The following WDR41 variants were observed in gnomAD, a reference collection of about 807,000 sequenced individuals.
The protein encoded by WDR41 is WD repeat-containing protein 41.
Under a neutral mutation model 69.3 loss-of-function variants are expected in WDR41, and 63 were observed. That is an observed-to-expected ratio of 0.91 (90% CI 0.74 to 1.12). The LOEUF is 1.12. Among genes scored for constraint, WDR41 ranks in the 50% most tolerant of loss-of-function variants. The probability of loss-of-function intolerance (pLI) is 0.00; values close to 1 mark genes in which losing one functional copy is unlikely to be tolerated. For missense variants in WDR41, 543 were observed against 534.5 expected (o/e 1.02, Z -0.16); for synonymous variants, 185 against 192.1 (o/e 0.96, Z 0.31).
At chr5:77,615,203 T>C (rs1286615080) in intron 1 of WDR41, among the ~76,000 whole-genome samples, 1 of 152,212 alleles carries the variant, frequency 6.6e-6, no homozygotes, top group African/African-American at 2.4e-5. Context: ...GACCACTCTG[T>C]TGTATGGACC....
chr5:77,539,041 G>C (rs1743041312), intron 1 of WDR41, among the ~76,000 whole-genome samples: 2 of 152,120 alleles, frequency 1.3e-5, no homozygotes, highest in Non-Finnish European at 2.9e-5. Flanking sequence ...CTGGTTTGCA[G>C]GTGGCCATCT....
Position 77,445,454 on chromosome 5 carries a change from G to A in WDR41, c.697+4306C>T, listed in dbSNP as rs558618991. On this transcript the variant is annotated intron_variant, in intron 8 of 12. Coordinates refer to ENST00000296679, the MANE Select transcript of WDR41 (RefSeq NM_018268.4). Reference sequence around the variant, plus strand: ...CAGCATCATCCTGACACCAAAACCAGGAAGAGACACAACAAAAAAAAGAAA... The same window carrying A: ...CAGCATCATCCTGACACCAAAACCAAGAAGAGACACAACAAAAAAAAGAAA... Among the ~76,000 whole-genome samples the A allele has an allele frequency of 4.6e-5, 7 of 152,178 alleles. No individual in the cohort carries two copies. The South Asian group carries it at 1.2e-3, about 27-fold the overall frequency.
upstream of WDR41, among the ~76,000 whole-genome samples, chr5:77,494,900 G>C (rs1018597872): frequency 3.3e-5 from 5 of 152,036 alleles, no homozygotes; most frequent in African/African-American, 1.2e-4. Flanking sequence ...CATATGTTAG[G>C]CCACAAAATA....
chr5:77,511,358 G>T (rs1006270555), intron 1 of WDR41, among the ~76,000 whole-genome samples: 1 of 152,168 alleles, frequency 6.6e-6, no homozygotes, highest in Non-Finnish European at 1.5e-5. Context: ...TGTAGATTTT[G>T]TGGAATTAAG....
chr5:77,617,387 C>T (rs1356322212), intron 1 of WDR41, among the ~76,000 whole-genome samples: 2 of 152,132 alleles, frequency 1.3e-5, no homozygotes, highest in African/African-American at 4.8e-5. Flanking sequence ...CTCTCATCTA[C>T]ACACATACAC....
intron 1 of WDR41, among the ~76,000 whole-genome samples, chr5:77,511,228 C>A (rs902154118): frequency 4.6e-5 from 7 of 151,920 alleles, no homozygotes; most frequent in African/African-American, 1.7e-4. Context: ...CAAATACAAC[C>A]AGTTCATTCT....
rs1210569324 is a variant in WDR41, at chr5:77,514,836, T to A, written c.43-25264A>T. 2.0e-5 allele frequency among the ~76,000 whole-genome samples: 3 copies of A among 152,210 alleles called. No individual in the cohort carries two copies. The East Asian group carries it at 5.8e-4, about 29-fold the overall frequency. On this transcript the variant is annotated intron_variant, in intron 1 of 5. Transcript: ENST00000509971. ...ATTGTAACACAATGGTAAGTATTTG[T>A]GTATCTAAACATAGAAAAGGTACAG...
intron 7 of WDR41, 95 bp from the exon 8 acceptor site, chr5:77,449,965 A>G: frequency 1.3e-6 from 1 of 794,866 alleles, no homozygotes; most frequent in South Asian, 1.7e-5. Context: ...TAAGTGAAAA[A>G]TACCTACCAT....
At chr5:77,546,259 C>CA (rs1366438465) in intron 1 of WDR41, 1 of 359,516 alleles carries the variant, frequency 2.8e-6, no homozygotes, top group African/African-American at 2.1e-5. Flanking sequence ...GCTGTGGCTA[C>CA]AACATAGAGT....
rs570484848 is a variant in WDR41 at position 77,441,668 on chromosome 5, G to A, written c.698-671C>T. 2.0e-5 allele frequency among the ~76,000 whole-genome samples: 3 copies of A among 152,172 alleles called. No homozygotes were observed. In the East Asian group the frequency reaches 5.8e-4, roughly 29 times the overall value. ...CAGGAGAACTGCTTGAACCTGGGAC[G>A]CAGAGGTCGCAGTGAGCTGAGATCG... On this transcript the variant is annotated intron_variant, in intron 8 of 12. Coordinates refer to ENST00000296679, the MANE Select transcript of WDR41 (RefSeq NM_018268.4).
At chr5:77,587,786 CATTAGGACACATGGAG>C (rs1444701525) in intron 1 of WDR41, among the ~76,000 whole-genome samples, 1 of 152,078 alleles carries the variant, frequency 6.6e-6, no homozygotes, top group Non-Finnish European at 1.5e-5. Context: ...TATAAAATGA[CATTAGGACACATGGAG>C]ATTAGGACAC....
At chr5:77,540,911 AG>A (rs1257973490) in intron 1 of WDR41, among the ~76,000 whole-genome samples, 1 of 152,202 alleles carries the variant, frequency 6.6e-6, no homozygotes, top group Non-Finnish European at 1.5e-5. Flanking sequence ...AAATTGGCAG[AG>A]GAAATGGGAG....
At chr5:77,462,247 T>C (rs1157034408) in intron 4 of WDR41, among the ~76,000 whole-genome samples, 3 of 151,706 alleles carry the variant, frequency 2.0e-5, no homozygotes, top group Admixed American at 2.0e-4. Context: ...CCATCTCTAC[T>C]AAAAATACAA....
intron 1 of WDR41, among the ~76,000 whole-genome samples, chr5:77,552,915 G>A (rs1442038762): frequency 3.3e-5 from 5 of 152,220 alleles, no homozygotes; most frequent in African/African-American, 9.6e-5. Flanking sequence ...AGGCTTAAAT[G>A]TAAAACAAAC....
intron 5 of WDR41, among the ~76,000 whole-genome samples, chr5:77,455,733 C>T (rs749347453): frequency 7.2e-5 from 11 of 152,126 alleles, no homozygotes; most frequent in Non-Finnish European, 1.3e-4. Context: ...AGGTTCTTGG[C>T]GCTCTTGTCA....
intron 1 of WDR41, among the ~76,000 whole-genome samples, chr5:77,567,412 T>C (rs1743653337): frequency 6.6e-6 from 1 of 152,036 alleles, no homozygotes; most frequent in African/African-American, 2.4e-5. Flanking sequence ...TTGTTCACTG[T>C]GATCAACTAC....
At chr5:77,448,004 C>T (rs1799457550) in intron 8 of WDR41, among the ~76,000 whole-genome samples, 1 of 152,152 alleles carries the variant, frequency 6.6e-6, no homozygotes, top group Non-Finnish European at 1.5e-5. Context: ...CAAATGAATA[C>T]TCGAAGAAAG....
chr5:77,513,649 C>A (rs1339070004), intron 1 of WDR41, among the ~76,000 whole-genome samples: 1 of 152,148 alleles, frequency 6.6e-6, no homozygotes. Flanking sequence ...TTTAAAAGGG[C>A]TAGTATACCT....
intron 4 of WDR41, among the ~76,000 whole-genome samples, chr5:77,462,439 A>G (rs1242870816): frequency 6.6e-6 from 1 of 151,600 alleles, no homozygotes; most frequent in Non-Finnish European, 1.5e-5. Flanking sequence ...AATTAAAAAT[A>G]CCTATGTCAA....
Sources: gnomAD v4.1 joint callset for allele counts (sites outside exome capture counted in the v4.1 genomes callset) on GRCh38, gnomAD v4.1.1 for gene constraint, MANE v1.5 for transcripts, NCBI Gene and HGNC (gene_info 2026-07-23, HGNC 2026-07-21) for gene names.